Variants in RBMS3 observed in about 807,000 individuals in gnomAD.
The protein encoded by RBMS3 is RNA-binding motif, single-stranded-interacting protein 3.
Under a neutral mutation model 66.8 loss-of-function variants are expected in RBMS3, and 27 were observed. The ratio of observed to expected loss-of-function variants is 0.40; its 90% CI spans 0.30 to 0.56. The LOEUF is 0.56. Ranked by LOEUF, RBMS3 falls within the 20% of genes least tolerant of loss-of-function variation. The probability of loss-of-function intolerance (pLI) is 0.40; values close to 1 mark genes in which losing one functional copy is unlikely to be tolerated. For missense variants in RBMS3, 513 were observed against 549.5 expected, an observed-to-expected ratio of 0.93 and a Z score of 0.66; for synonymous variants, 188 against 183.0, an observed-to-expected ratio of 1.03 and a Z score of -0.22.
At chr3:29,682,608 G>A (rs1003289202) in intron 4 of RBMS3, among the ~76,000 whole-genome samples, 1 of 152,194 alleles carries the variant, frequency 6.6e-6, no homozygotes. Context: ...GAAAGCAAGG[G>A]AGTGGGTGGC....
chr3:29,557,461 C>T (rs2046404093), intron 3 of RBMS3, among the ~76,000 whole-genome samples: 1 of 152,186 alleles, frequency 6.6e-6, no homozygotes, highest in African/African-American at 2.4e-5. Context: ...GTCTAATTTC[C>T]ACAAGTAAGA....
rs1253657693 is a variant in RBMS3 at position 29,281,244 on chromosome 3, G to A, written c.-438G>A. The A allele has an allele frequency of 6.6e-6, 1 of 151,108 alleles. No individual in the cohort carries two copies. The highest frequency in any genetic ancestry group is 2.6e-5 in the African/African-American group (1 of 39,034). The allele number at this position is 151,108 out of a possible 1,614,324, so 9.4% of individuals were successfully genotyped here. A position where few individuals can be genotyped will look rare whatever the true frequency, so the allele number is the denominator to read the frequency against. On this transcript the variant is annotated 5_prime_UTR_variant, in exon 1 of 15. Transcript: ENST00000383767. ...TCTTTTTTCTTTTTCTTTAAGGTGG[G>A]GAAAGAGACAACCAAGAGACAGGAA...
At chr3:29,309,604 A>G (rs1258482940) in intron 1 of RBMS3, among the ~76,000 whole-genome samples, 1 of 150,228 alleles carries the variant, frequency 6.7e-6, no homozygotes, top group African/African-American at 2.4e-5. Flanking sequence ...GGGAATATGC[A>G]GTGGTGGGGG....
At chr3:29,779,624 G>A (rs1029814633) in intron 6 of RBMS3, among the ~76,000 whole-genome samples, 18 of 147,552 alleles carry the variant, frequency 1.2e-4, no homozygotes, top group Non-Finnish European at 2.7e-4. Context: ...GTGGTTACAA[G>A]GAAGCTGCAA....
chr3:29,587,783 G>A (rs1226954322), intron 4 of RBMS3, among the ~76,000 whole-genome samples: 1 of 151,782 alleles, frequency 6.6e-6, no homozygotes, highest in Non-Finnish European at 1.5e-5. Flanking sequence ...GCCTTTATAT[G>A]TAGAGTTTTC....
intron 10 of RBMS3, 95 bp downstream of exon 10, chr3:29,899,850 A>C (rs1230890420): frequency 8.1e-7 from 1 of 1,234,700 alleles, no homozygotes; most frequent in Non-Finnish European, 1.2e-6. Context: ...TTTTGTTATA[A>C]TATGTAACTC....
chr3:29,577,959 G>A (rs2047182786), intron 3 of RBMS3, among the ~76,000 whole-genome samples: 1 of 152,140 alleles, frequency 6.6e-6, no homozygotes, highest in African/African-American at 2.4e-5. Flanking sequence ...CCTGCTGGGG[G>A]TACAAACTAT....
intron 4 of RBMS3, among the ~76,000 whole-genome samples, chr3:29,630,918 G>A (rs1006612765): frequency 4.6e-5 from 7 of 151,932 alleles, no homozygotes; most frequent in African/African-American, 1.4e-4. Flanking sequence ...TGACTGGGAA[G>A]GGAGTTTTCT....
chr3:29,811,327 G>A (rs1177331400), intron 6 of RBMS3, among the ~76,000 whole-genome samples: 3 of 152,116 alleles, frequency 2.0e-5, no homozygotes, highest in Non-Finnish European at 4.4e-5. Flanking sequence ...CCTGGGGCAC[G>A]CCTGGAAGCC....
At chr3:29,815,308 C>A (rs931310015) in intron 6 of RBMS3, among the ~76,000 whole-genome samples, 1 of 152,106 alleles carries the variant, frequency 6.6e-6, no homozygotes, top group South Asian at 2.1e-4. Flanking sequence ...TGTCAAATAC[C>A]CTGCAGCAAT....
chr3:29,357,850 T>G (rs1484371410), intron 1 of RBMS3, among the ~76,000 whole-genome samples: 1 of 152,218 alleles, frequency 6.6e-6, no homozygotes, highest in Non-Finnish European at 1.5e-5. Flanking sequence ...ATGTCTTCTT[T>G]TGAGAAGTGT....
At chr3:29,614,379 T>G (rs2048589003) in intron 4 of RBMS3, 1 of 152,040 alleles carries the variant, frequency 6.6e-6, no homozygotes, top group Admixed American at 6.6e-5. Context: ...GAGAAATAAG[T>G]TCTAGTTATC....
At chr3:29,651,781 T>C (rs1003456045) in intron 4 of RBMS3, among the ~76,000 whole-genome samples, 1 of 152,150 alleles carries the variant, frequency 6.6e-6, no homozygotes, top group African/African-American at 2.4e-5. Context: ...TTTACAACAA[T>C]GGCAGTTTGG....
intron 1 of RBMS3, among the ~76,000 whole-genome samples, chr3:29,370,567 G>T (rs2038147805): frequency 6.6e-6 from 1 of 152,126 alleles, no homozygotes; most frequent in Non-Finnish European, 1.5e-5. Context: ...TCATCCACTT[G>T]TGAGACTCTT....
intron 4 of RBMS3, among the ~76,000 whole-genome samples, chr3:29,649,923 G>T (rs1366862610): frequency 6.6e-6 from 1 of 152,106 alleles, no homozygotes; most frequent in Admixed American, 6.6e-5. Context: ...CATTAAACTG[G>T]CAAAGATCAT....
chr3:29,795,261 C>G (rs1419618990), intron 6 of RBMS3, among the ~76,000 whole-genome samples: 2 of 152,156 alleles, frequency 1.3e-5, no homozygotes, highest in African/African-American at 4.8e-5. Context: ...TATATATGCT[C>G]TCACAGAAAG....
chr3:29,281,359 G>T lies in RBMS3; in HGVS notation c.-323G>T, dbSNP rs2031755361. 5.0e-6 allele frequency: 2 copies of T among 402,000 alleles called. No individual in the cohort carries two copies. The highest frequency in any genetic ancestry group is 1.0e-4 in the East Asian group (2 of 19,354). 24.9% of individuals were successfully genotyped at this position (402,000 alleles called of 1,614,324 possible). A position where few individuals can be genotyped will look rare whatever the true frequency, so the allele number is the denominator to read the frequency against. ...CTGGCAATTGACATCACTACAGACA[G>T]CCTGGTTAGAGAACAAACTGCCTCA... On this transcript the variant is annotated 5_prime_UTR_variant, in exon 1 of 15. Coordinates refer to ENST00000383767, the MANE Select transcript of RBMS3 (RefSeq NM_001003793.3).
At chr3:29,372,893 A>G (rs2038277629) in intron 1 of RBMS3, among the ~76,000 whole-genome samples, 1 of 151,176 alleles carries the variant, frequency 6.6e-6, no homozygotes, top group Admixed American at 6.6e-5. Flanking sequence ...AAAAAAAAAA[A>G]CAAAAAAGAA....
chr3:29,816,301 GACACACACAGACACACACACACAC>G (rs1439142071), intron 6 of RBMS3, among the ~76,000 whole-genome samples: 27 of 135,950 alleles, frequency 2.0e-4, no homozygotes, highest in African/African-American at 4.4e-4. Flanking sequence ...GACACACACA[GACACACACAGACACACACACACAC>G]ACACACACAC....
Sources: allele counts gnomAD v4.1 joint callset (sites outside exome capture counted in the v4.1 genomes callset), GRCh38; gene constraint gnomAD v4.1.1; transcripts MANE v1.5; gene names NCBI Gene and HGNC (gene_info 2026-07-23, HGNC 2026-07-21).